Variants in SAMD12 observed in about 807,000 individuals in gnomAD.
SAMD12 encodes sterile alpha motif domain-containing protein 12.
Under a neutral mutation model 15.0 loss-of-function variants are expected in SAMD12, and 9 were observed. The ratio of observed to expected loss-of-function variants is 0.60; its 90% confidence interval spans 0.36 to 1.05. The LOEUF is 1.05. SAMD12 is among the 50% of genes least tolerant of loss of function. SAMD12 has a pLI of 0.01. For synonymous variants in SAMD12, 86 were observed against 90.1 expected, an observed-to-expected ratio of 0.96 and a Z score of 0.25; for missense variants, 230 against 234.2, an observed-to-expected ratio of 0.98 and a Z score of 0.12.
intron 4 of SAMD12, among the ~76,000 whole-genome samples, chr8:118,231,895 T>TAA (rs112689134): frequency 7.1e-6 from 1 of 140,624 alleles, no homozygotes; most frequent in African/African-American, 2.6e-5. Flanking sequence ...AGTACTGGTC[T>TAA]AAAAAAAAAA....
At chr8:118,579,857 C>T (rs1046761583) in intron 2 of SAMD12, among the ~76,000 whole-genome samples, 1 of 152,150 alleles carries the variant, frequency 6.6e-6, no homozygotes, top group Non-Finnish European at 1.5e-5. Context: ...GTATCTTCAA[C>T]AACACTGTGC....
At chr8:118,373,208 TGAG>T (rs1819198029), downstream of SAMD12, among the ~76,000 whole-genome samples, 1 of 152,146 alleles carries the variant, frequency 6.6e-6, no homozygotes, top group African/African-American at 2.4e-5. Context: ...GGCATGGGAA[TGAG>T]GAGAACTGCA....
At chr8:118,541,281 T>G (rs1008208132) in intron 2 of SAMD12, among the ~76,000 whole-genome samples, 1 of 152,316 alleles carries the variant, frequency 6.6e-6, no homozygotes, top group East Asian at 1.9e-4. Context: ...TTTCAATCCA[T>G]GCCTTTCTGG....
At chr8:118,418,188 A>G (rs771138010) in intron 3 of SAMD12, among the ~76,000 whole-genome samples, 10 of 152,186 alleles carry the variant, frequency 6.6e-5, no homozygotes, top group Non-Finnish European at 1.5e-4. Flanking sequence ...TTAAACTATG[A>G]AGTTTCAAAG....
Position 118,318,351 on chromosome 8 carries a change from T to C in SAMD12, c.433+61209A>G, listed in dbSNP as rs201365169. Among the ~76,000 whole-genome samples the C allele has an allele frequency of 3.2e-3, 267 of 83,736 alleles. 6 individuals carry two copies. Among genetic ancestry groups the C allele is most frequent in the East Asian group, 0.018 (58 of 3,292 alleles). The allele number at this position is 83,736 out of a possible 152,430, so 54.9% of individuals were successfully genotyped here. A position where few individuals can be genotyped will look rare whatever the true frequency, so the allele number is the denominator to read the frequency against. On this transcript the variant is annotated intron_variant, in intron 4 of 4. Coordinates refer to the SAMD12 transcript ENST00000409003. Reference sequence around the variant, plus strand: ...ATATATATATATATATATATATATATATATACATATATACCATGGAACACT... The same window carrying C: ...ATATATATATATATATATATATATACATATACATATATACCATGGAACACT...
At chr8:118,246,416 G>A (rs1051883929) in intron 4 of SAMD12, among the ~76,000 whole-genome samples, 1 of 152,098 alleles carries the variant, frequency 6.6e-6, no homozygotes, top group African/African-American at 2.4e-5. Flanking sequence ...AGAAACTTGT[G>A]CTGGAACTGT....
At chr8:118,368,584 A>G (rs1002046927) in intron 4 of SAMD12, among the ~76,000 whole-genome samples, 16 of 152,170 alleles carry the variant, frequency 1.1e-4, no homozygotes, top group Admixed American at 8.5e-4. Flanking sequence ...TTAAAAAAGG[A>G]GATCCTAGGT....
At chr8:118,409,136 G>C (rs1821274858) in intron 3 of SAMD12, among the ~76,000 whole-genome samples, 1 of 152,086 alleles carries the variant, frequency 6.6e-6, no homozygotes, top group Non-Finnish European at 1.5e-5. Context: ...AGTTACAAAT[G>C]GGAAGGGTGT....
At chr8:118,265,763 C>G (rs555135354) in intron 4 of SAMD12, among the ~76,000 whole-genome samples, 2 of 151,366 alleles carry the variant, frequency 1.3e-5, no homozygotes, top group East Asian at 1.9e-4. Context: ...CTGTGATTCT[C>G]TTAAAGTATA....
At chr8:118,356,148 C>T (rs1336732269) in intron 4 of SAMD12, among the ~76,000 whole-genome samples, 2 of 152,180 alleles carry the variant, frequency 1.3e-5, no homozygotes, top group Non-Finnish European at 2.9e-5. Context: ...TAGCAACTCT[C>T]TGAGCTAGGT....
At chr8:118,269,942 T>C (rs1160620702) in intron 4 of SAMD12, among the ~76,000 whole-genome samples, 1 of 152,208 alleles carries the variant, frequency 6.6e-6, no homozygotes, top group African/African-American at 2.4e-5. Flanking sequence ...ATATCTCATC[T>C]GTGCAATGGG....
At chr8:118,505,396 C>A (rs1373492360) in intron 2 of SAMD12, among the ~76,000 whole-genome samples, 1 of 150,544 alleles carries the variant, frequency 6.6e-6, no homozygotes, top group East Asian at 1.9e-4. Context: ...ATCCCAGGCT[C>A]CTTTGCAACT....
At chr8:118,325,251 C>T (rs540382431) in intron 4 of SAMD12, among the ~76,000 whole-genome samples, 4 of 152,214 alleles carry the variant, frequency 2.6e-5, no homozygotes, top group African/African-American at 9.6e-5. Flanking sequence ...TAAATAGGAG[C>T]AGGAATGCCA....
At chr8:118,165,650 A>ATGTATATATATATAT in the SAMD12 span, among the ~76,000 whole-genome samples, 1 of 146,244 alleles carries the variant, frequency 6.8e-6, no homozygotes, top group African/African-American at 2.5e-5. Context: ...ATATATATAT[A>ATGTATATATATATAT]AAACATAACA....
At chr8:118,573,040 C>G (rs936598490) in intron 2 of SAMD12, among the ~76,000 whole-genome samples, 2 of 152,138 alleles carry the variant, frequency 1.3e-5, no homozygotes, top group African/African-American at 2.4e-5. Flanking sequence ...GAAGAGGTAC[C>G]TTCACCATGG....
At chr8:118,314,259 T>C (rs1478975062) in intron 4 of SAMD12, among the ~76,000 whole-genome samples, 1 of 152,226 alleles carries the variant, frequency 6.6e-6, no homozygotes. Flanking sequence ...AACCTGAAGA[T>C]ATAAAATATA....
intron 2 of SAMD12, among the ~76,000 whole-genome samples, chr8:118,572,603 A>T (rs1352431739): frequency 6.6e-6 from 1 of 151,706 alleles, no homozygotes; most frequent in Admixed American, 6.6e-5. Flanking sequence ...GATGGTATTT[A>T]AAAAAAGGAG....
intron 4 of SAMD12, among the ~76,000 whole-genome samples, chr8:118,287,425 A>G (rs77253786): frequency 0.076 from 11,556 of 152,200 alleles, 811 homozygotes; most frequent in East Asian, 0.34. Flanking sequence ...GCGCCCGGCC[A>G]GGAAGAATAT....
chr8:118,420,521 C>T (rs1438711047), intron 3 of SAMD12, among the ~76,000 whole-genome samples: 1 of 152,100 alleles, frequency 6.6e-6, no homozygotes, highest in African/African-American at 2.4e-5. Context: ...AATTCATGCA[C>T]AATGTATTTT....
Sources: gnomAD v4.1 joint callset for allele counts (sites outside exome capture counted in the v4.1 genomes callset) on GRCh38, gnomAD v4.1.1 for gene constraint, MANE v1.5 for transcripts, NCBI Gene and HGNC (gene_info 2026-07-23, HGNC 2026-07-21) for gene names.